The following SLC1A1 variants were observed in gnomAD, a reference collection of about 807,000 sequenced individuals.
SLC1A1 encodes the protein solute carrier family 1 member 1.
A neutral mutation model predicts 53.3 loss-of-function variants in SLC1A1; 43 were observed. That is an observed-to-expected ratio of 0.81 (90% confidence interval 0.63 to 1.04). SLC1A1 has a LOEUF of 1.04. Ranked by LOEUF, SLC1A1 falls within the 50% of genes least tolerant of loss-of-function variation. SLC1A1 has a pLI of 0.00. For missense variants in SLC1A1, 748 were observed against 664.9 expected, an observed-to-expected ratio of 1.12 and a Z score of -1.37; for synonymous variants, 307 against 243.2, an observed-to-expected ratio of 1.26 and a Z score of -2.44.
At position 4,531,736 on chromosome 9, in the gene SLC1A1, C is replaced by A. The variant is rs899176322; in HGVS notation, c.92-12831C>A. ...GTTCTCCCAGCACACAGCTGGACAT[C>A]TGAGAACAGGCAGACAGCCTCCTCA... On this transcript the variant is annotated intron_variant, in intron 1 of 11. Transcript: ENST00000262352. Among the ~76,000 whole-genome samples the A allele has an allele frequency of 3.3e-5, 5 of 152,192 alleles. No homozygotes were observed. The South Asian group carries it at 8.3e-4, about 25-fold the overall frequency.
intron 3 of SLC1A1, 52 bp from the exon 4 acceptor site, chr9:4,564,292 C>A: frequency 8.0e-7 from 1 of 1,249,428 alleles, no homozygotes; most frequent in Non-Finnish European, 1.2e-6. Context: ...CCAGCTGTGC[C>A]AGGTGCCCTG....
rs756553278 is a variant in SLC1A1, at chr9:4,576,020, G to A, written c.895G>A (p.Val299Ile). ...TTACAGGCTTGCAATCCACTCCATT[G>A]TAATTCTCCCGCTGATATATTTCAT... ...VLTGLAIHSI[V>I]ILPLIYFIVV... Residue 299 changes from valine (V) to isoleucine (I), a missense_variant, in exon 9 of 12, where the codon GTA becomes ATA. Val to Ile is a conservative substitution (Grantham distance 29). Coordinates refer to ENST00000262352, the MANE Select transcript of SLC1A1 (RefSeq NM_004170.6). 1 of 1,614,104 alleles carries A rather than the reference G, an allele frequency of 6.2e-7. No individual in the cohort carries two copies. Among genetic ancestry groups the A allele is most frequent in the Admixed American group, 1.7e-5 (1 of 60,024 alleles).
At chr9:4,502,137 A>G (rs1820651527) in intron 1 of SLC1A1, among the ~76,000 whole-genome samples, 1 of 151,574 alleles carries the variant, frequency 6.6e-6, no homozygotes. Context: ...CTGTAATTCT[A>G]GCACTTTGGG....
At chr9:4,526,149 T>C (rs1172078406) in intron 1 of SLC1A1, among the ~76,000 whole-genome samples, 1 of 151,028 alleles carries the variant, frequency 6.6e-6, no homozygotes, top group Non-Finnish European at 1.5e-5. Flanking sequence ...ACAAAAAAAC[T>C]CACAAAGATA....
At chr9:4,512,621 T>A in intron 1 of SLC1A1, among the ~76,000 whole-genome samples, 1 of 152,178 alleles carries the variant, frequency 6.6e-6, no homozygotes, top group East Asian at 1.9e-4. Flanking sequence ...TATTTCAATA[T>A]GGTTTTCAAG....
In SLC1A1 at chr9:4,567,740, AGCT is replaced by A; in HGVS notation, c.557_559del (p.Ala186del). ...TGAACATGACAGAAGAGTCCTTCAC[AGCT>A]GTCATGACAACTGCAATTTCCAAGG... On this transcript the variant is annotated inframe_deletion, in exon 6 of 12. Transcript: ENST00000262352. The A allele has an allele frequency of 6.2e-7, 1 of 1,611,556 alleles. No individual in the cohort carries two copies. Among genetic ancestry groups the A allele is most frequent in the Non-Finnish European group, 8.5e-7 (1 of 1,177,818 alleles).
At chr9:4,563,146 GAA>G (rs761603173) in intron 3 of SLC1A1, among the ~76,000 whole-genome samples, 1 of 138,076 alleles carries the variant, frequency 7.2e-6, no homozygotes, top group African/African-American at 2.7e-5. Context: ...GAGAGAGAGA[GAA>G]AAAAAAAAAA....
intron 1 of SLC1A1, among the ~76,000 whole-genome samples, chr9:4,523,339 C>T (rs540733649): frequency 6.6e-6 from 1 of 150,536 alleles, no homozygotes; most frequent in African/African-American, 2.5e-5. Flanking sequence ...TCAGAAGATA[C>T]CAAATGCCTT....
chr9:4,495,210 C>T lies in SLC1A1; in HGVS notation c.91+4440C>T, dbSNP rs940008277. Among the ~76,000 whole-genome samples, 8 of 152,074 alleles carry T rather than the reference C, an allele frequency of 5.3e-5. No individual in the cohort carries two copies. The East Asian group carries it at 1.2e-3, about 22-fold the overall frequency. On this transcript the variant is annotated intron_variant, in intron 1 of 11. Coordinates refer to ENST00000262352, the MANE Select transcript of SLC1A1 (RefSeq NM_004170.6). ...GAGGACAGGGCCCAGCGGCGGTTCA[C>T]GCTGGTTCCAGGCCCAGCCCCTCAC... is the stretch of plus-strand genomic sequence containing the variant.
intron 9 of SLC1A1, 116 bp from the exon 10 acceptor site, chr9:4,576,453 G>T: frequency 1.2e-6 from 1 of 864,666 alleles, no homozygotes; most frequent in East Asian, 2.5e-5. Context: ...TACTTTTCTC[G>T]ACAAGATTAC....
At chr9:4,547,285 G>A (rs1192345499) in intron 2 of SLC1A1, among the ~76,000 whole-genome samples, 2 of 152,150 alleles carry the variant, frequency 1.3e-5, no homozygotes, top group African/African-American at 4.8e-5. Context: ...GCATTCCACT[G>A]ACATAGCCCA....
intron 1 of SLC1A1, among the ~76,000 whole-genome samples, chr9:4,537,915 T>C (rs1323839616): frequency 1.3e-5 from 2 of 151,888 alleles, no homozygotes; most frequent in Admixed American, 6.6e-5. Flanking sequence ...AATTTTATGT[T>C]ATATGAATTT....
intron 2 of SLC1A1, among the ~76,000 whole-genome samples, chr9:4,552,252 T>G (rs1817995256): frequency 6.6e-6 from 1 of 152,186 alleles, no homozygotes; most frequent in Non-Finnish European, 1.5e-5. Flanking sequence ...AGGTGTAAAA[T>G]TAAGTCTTAT....
At chr9:4,512,830 T>A (rs1283666278) in intron 1 of SLC1A1, among the ~76,000 whole-genome samples, 1 of 151,988 alleles carries the variant, frequency 6.6e-6, no homozygotes, top group African/African-American at 2.4e-5. Flanking sequence ...AGCAGCATGA[T>A]TGTAGCTCAT....
intron 10 of SLC1A1, among the ~76,000 whole-genome samples, chr9:4,579,485 A>T (rs1306603727): frequency 6.6e-6 from 1 of 152,152 alleles, no homozygotes; most frequent in Non-Finnish European, 1.5e-5. Context: ...AGATCTTTCT[A>T]ATCATTTTTT....
intron 10 of SLC1A1, among the ~76,000 whole-genome samples, chr9:4,582,315 T>C (rs565239591): frequency 2.0e-5 from 3 of 152,338 alleles, no homozygotes; most frequent in Admixed American, 6.5e-5. Flanking sequence ...GATCTTTCTT[T>C]CCCACAAAGT....
intron 1 of SLC1A1, among the ~76,000 whole-genome samples, chr9:4,520,192 G>A (rs894321926): frequency 6.6e-6 from 1 of 152,148 alleles, no homozygotes; most frequent in African/African-American, 2.4e-5. Context: ...TTTCCAGACG[G>A]TGAGACTTTC....
chr9:4,501,504 C>T (rs147308653), intron 1 of SLC1A1, among the ~76,000 whole-genome samples: 3 of 151,654 alleles, frequency 2.0e-5, no homozygotes, highest in Admixed American at 6.6e-5. Context: ...GGTGCTCACG[C>T]CTGTAATCCC....
intron 1 of SLC1A1, among the ~76,000 whole-genome samples, chr9:4,523,793 C>T (rs1816166666): frequency 6.6e-6 from 1 of 152,170 alleles, no homozygotes; most frequent in Non-Finnish European, 1.5e-5. Context: ...TTTAAAATCT[C>T]CTAATGACTC....
Sources: gnomAD v4.1 joint callset for allele counts (sites outside exome capture counted in the v4.1 genomes callset) on GRCh38, gnomAD v4.1.1 for gene constraint, MANE v1.5 for transcripts, NCBI Gene and HGNC (gene_info 2026-07-23, HGNC 2026-07-21) for gene names.